P2RY12: variants seen among roughly 807,000 people sequenced by gnomAD.
P2RY12 encodes purinergic receptor P2Y12.
P2RY12 carries 3 observed loss-of-function variants against 4.5 expected under a neutral mutation model. The ratio of observed to expected loss-of-function variants is 0.67; its 90% CI spans 0.31 to 1.74. The LOEUF (loss-of-function observed/expected upper bound fraction) is 1.74. Ranked by LOEUF, P2RY12 falls within the 40% of genes most tolerant of loss-of-function variation. The pLI, the probability that P2RY12 is intolerant of heterozygous loss-of-function variation, is 0.09. For missense variants in P2RY12, 356 were observed against 407.8 expected, an observed-to-expected ratio of 0.87 and a Z score of 1.09; for synonymous variants, 148 against 154.1, an observed-to-expected ratio of 0.96 and a Z score of 0.29.
Position 151,357,115 on chromosome 3 carries a change from A to G in P2RY12, c.-179-16355T>C, listed in dbSNP as rs923312545. ...AGTTAAATTTAGGGAATGTATTTGTAGTGTAATGACTCAGTATATCTATGG... is the reference window on the plus strand; with the variant it reads ...AGTTAAATTTAGGGAATGTATTTGTGGTGTAATGACTCAGTATATCTATGG... On this transcript the variant is annotated intron_variant, in intron 1 of 2. Transcript: ENST00000302632. The G allele has an allele frequency of 3.7e-5, 36 of 974,036 alleles. No homozygotes were observed. In the African/African-American group the frequency reaches 6.0e-4, roughly 16 times the overall value. 60.3% of individuals were successfully genotyped at this position (974,036 alleles called of 1,614,324 possible).
At chr3:151,364,555 A>G (rs1755049455) in intron 1 of P2RY12, among the ~76,000 whole-genome samples, 2 of 152,178 alleles carry the variant, frequency 1.3e-5, no homozygotes, top group South Asian at 4.1e-4. Context: ...TACCAGAGAA[A>G]TAGTTTTGTA....
intron 1 of P2RY12, among the ~76,000 whole-genome samples, chr3:151,380,555 C>T (rs1273712380): frequency 1.3e-5 from 2 of 150,696 alleles, no homozygotes; most frequent in South Asian, 2.1e-4. Context: ...TGAGATCGCG[C>T]CATTGCACAC....
At chr3:151,358,217 T>G (rs983515431) in intron 1 of P2RY12, among the ~76,000 whole-genome samples, 1 of 152,182 alleles carries the variant, frequency 6.6e-6, no homozygotes, top group African/African-American at 2.4e-5. Context: ...TTATTTGTAT[T>G]AATTACATGT....
At chr3:151,375,079 T>TA (rs1457644811) in intron 1 of P2RY12, among the ~76,000 whole-genome samples, 1 of 152,238 alleles carries the variant, frequency 6.6e-6, no homozygotes, top group Non-Finnish European at 1.5e-5. Context: ...GAGAGGCAAT[T>TA]GTGTGTTGGT....
intron 1 of P2RY12, among the ~76,000 whole-genome samples, chr3:151,354,766 A>G (rs1488146707): frequency 2.6e-5 from 4 of 152,212 alleles, no homozygotes; most frequent in Non-Finnish European, 4.4e-5. Context: ...CCTCAGCAAC[A>G]TGAATCAATC....
At chr3:151,375,917 A>G in intron 1 of P2RY12, 1 of 600,728 alleles carries the variant, frequency 1.7e-6, no homozygotes, top group Non-Finnish European at 2.5e-6. Context: ...TTAAATTGGA[A>G]AATTCCTATC....
intron 1 of P2RY12, among the ~76,000 whole-genome samples, chr3:151,375,579 G>GAAAT (rs1340154663): frequency 6.6e-6 from 1 of 152,070 alleles, no homozygotes; most frequent in East Asian, 1.9e-4. Flanking sequence ...ATTCATAATA[G>GAAAT]TATCAAAAAG....
At chr3:151,381,133 G>A (rs183031713) in intron 1 of P2RY12, among the ~76,000 whole-genome samples, 2 of 152,282 alleles carry the variant, frequency 1.3e-5, no homozygotes, top group East Asian at 3.9e-4. Context: ...AAGCAAAGTG[G>A]ATAGATTGGT....
chr3:151,358,639 A>C (rs1471699861), intron 1 of P2RY12, among the ~76,000 whole-genome samples: 1 of 152,074 alleles, frequency 6.6e-6, no homozygotes, highest in Non-Finnish European at 1.5e-5. Flanking sequence ...GGCCTTGAAA[A>C]TTTTTATCCT....
At chr3:151,384,336 A>C in intron 1 of P2RY12, 1 of 1,059,368 alleles carries the variant, frequency 9.4e-7, no homozygotes, top group South Asian at 2.0e-5. Context: ...ATTTAATGTG[A>C]TTATTTGCTA....
chr3:151,367,794 GCT>G, intron 1 of P2RY12: 1 of 1,580,660 alleles, frequency 6.3e-7, no homozygotes. Flanking sequence ...AACATCCGTT[GCT>G]CTTTGATTGT....
chr3:151,362,009 G>A (rs1754667080), intron 1 of P2RY12, among the ~76,000 whole-genome samples: 2 of 152,118 alleles, frequency 1.3e-5, no homozygotes, highest in African/African-American at 4.8e-5. Context: ...GAATCCAGAA[G>A]GAGGTAGGGA....
At chr3:151,373,447 T>C (rs1258600557) in intron 1 of P2RY12, among the ~76,000 whole-genome samples, 2 of 152,162 alleles carry the variant, frequency 1.3e-5, no homozygotes, top group African/African-American at 2.4e-5. Flanking sequence ...TTTGAGGAGA[T>C]ACTTCGAGAC....
intron 1 of P2RY12, chr3:151,380,208 A>G (rs1271328553): frequency 6.2e-7 from 1 of 1,601,758 alleles, no homozygotes; most frequent in South Asian, 1.1e-5. Context: ...ACATCTCTCC[A>G]GAATCAAGTT....
intron 1 of P2RY12, chr3:151,369,359 G>A: frequency 1.0e-6 from 1 of 995,674 alleles, no homozygotes; most frequent in Non-Finnish European, 1.5e-6. Flanking sequence ...AACAATGAAA[G>A]GCTGACTGCC....
At chr3:151,371,392 G>T (rs140007305) in intron 1 of P2RY12, among the ~76,000 whole-genome samples, 2 of 152,306 alleles carry the variant, frequency 1.3e-5, no homozygotes, top group East Asian at 3.9e-4. Context: ...TTTTCTTTCA[G>T]CTCCTGAAGT....
At chr3:151,343,436 A>G (rs919028745) in intron 1 of P2RY12, among the ~76,000 whole-genome samples, 8 of 152,194 alleles carry the variant, frequency 5.3e-5, no homozygotes, top group African/African-American at 1.7e-4. Flanking sequence ...TTAACTCACA[A>G]CCACATACCT....
At chr3:151,370,186 C>T (rs1338865106) in intron 1 of P2RY12, among the ~76,000 whole-genome samples, 2 of 152,130 alleles carry the variant, frequency 1.3e-5, no homozygotes, top group East Asian at 1.9e-4. Flanking sequence ...CTTTTCTCTT[C>T]ATTTACAGGG....
At chr3:151,342,037 T>TA (rs1337046149) in intron 1 of P2RY12, among the ~76,000 whole-genome samples, 1 of 152,210 alleles carries the variant, frequency 6.6e-6, no homozygotes, top group African/African-American at 2.4e-5. Flanking sequence ...GCAATAAACA[T>TA]ACGTGTGCAT....
Sources: allele counts gnomAD v4.1 joint callset (sites outside exome capture counted in the v4.1 genomes callset), GRCh38; gene constraint gnomAD v4.1.1; transcripts MANE v1.5; gene names NCBI Gene and HGNC (gene_info 2026-07-23, HGNC 2026-07-21).